HECW2: variants seen among roughly 807,000 people sequenced by gnomAD.
The protein encoded by HECW2 is HECT, C2 and WW domain containing E3 ubiquitin protein ligase 2.
In HECW2, 61 loss-of-function variants were observed where a neutral mutation model predicts 175.2. The ratio of observed to expected loss-of-function variants is 0.35; its 90% CI spans 0.28 to 0.43. The LOEUF (loss-of-function observed/expected upper bound fraction) is 0.43. HECW2 is among the 20% of genes least tolerant of loss of function. The pLI, the probability that HECW2 is intolerant of heterozygous loss-of-function variation, is 1.00. For missense variants in HECW2, 1,524 were observed against 2,000.5 expected, an observed-to-expected ratio of 0.76 and a Z score of 4.54; for synonymous variants, 671 against 731.0, an observed-to-expected ratio of 0.92 and a Z score of 1.32.
intron 17 of HECW2, among the ~76,000 whole-genome samples, chr2:196,265,304 G>A (rs1392579617): frequency 2.6e-5 from 4 of 152,190 alleles, no homozygotes; most frequent in Admixed American, 2.6e-4. Flanking sequence ...GGCCAACATG[G>A]TGAAACCCCA....
chr2:196,472,877 T>G (rs1353489226), intron 1 of HECW2, among the ~76,000 whole-genome samples: 1 of 152,212 alleles, frequency 6.6e-6, no homozygotes, highest in Non-Finnish European at 1.5e-5. Context: ...CGCCTTGGCC[T>G]CCCAAAGTGC....
intron 2 of HECW2, among the ~76,000 whole-genome samples, chr2:196,407,375 T>C (rs996587303): frequency 3.9e-5 from 6 of 151,918 alleles, no homozygotes; most frequent in East Asian, 1.9e-4. Context: ...ACTTCCACCA[T>C]GGAAGGGTGA....
At chr2:196,274,180 G>T (rs1030050102) in intron 15 of HECW2, 57 bp from the exon 16 acceptor site, 6 of 1,303,112 alleles carry the variant, frequency 4.6e-6, no homozygotes, top group Non-Finnish European at 6.6e-6. Context: ...CTCTATATCA[G>T]CATCCCAAAC....
intron 28 of HECW2, among the ~76,000 whole-genome samples, chr2:196,204,503 T>C (rs1192430926): frequency 2.0e-5 from 3 of 152,204 alleles, no homozygotes; most frequent in Non-Finnish European, 4.4e-5. Flanking sequence ...GAATGAATGC[T>C]GCCAACAACC....
chr2:196,433,572 C>T, intron 1 of HECW2, 114 bp from the exon 2 acceptor site: 1 of 733,578 alleles, frequency 1.4e-6, no homozygotes, highest in Non-Finnish European at 2.2e-6. Context: ...ATGCAATAAT[C>T]TTCTGTTGTC....
intron 1 of HECW2, among the ~76,000 whole-genome samples, chr2:196,540,930 A>G (rs933436123): frequency 2.0e-5 from 3 of 152,208 alleles, no homozygotes; most frequent in African/African-American, 2.4e-5. Context: ...GAAAGAAAAA[A>G]CAAAGCAAAC....
intron 2 of HECW2, among the ~76,000 whole-genome samples, chr2:196,393,178 T>C (rs530120034): frequency 1.4e-4 from 22 of 152,298 alleles, no homozygotes; most frequent in African/African-American, 5.3e-4. Context: ...ACATTAGACC[T>C]AAAGCCATAA....
intron 2 of HECW2, among the ~76,000 whole-genome samples, chr2:196,419,056 G>A (rs1175936319): frequency 6.6e-6 from 1 of 152,224 alleles, no homozygotes; most frequent in Admixed American, 6.5e-5. Flanking sequence ...CACAGATAAT[G>A]CAGCACAGAG....
intron 1 of HECW2, among the ~76,000 whole-genome samples, chr2:196,486,595 TC>T (rs1160828858): frequency 6.6e-6 from 1 of 152,026 alleles, no homozygotes; most frequent in Non-Finnish European, 1.5e-5. Context: ...GTGGCAGCCC[TC>T]CCCTGGAAGA....
At chr2:196,220,980 A>G in intron 24 of HECW2, 39 bp from the exon 25 acceptor site, 1 of 1,602,942 alleles carries the variant, frequency 6.2e-7, no homozygotes, top group Non-Finnish European at 8.5e-7. Flanking sequence ...ACAAAGCAAT[A>G]CTCTTAATGT....
chr2:196,461,012 TTAA>T (rs1234438825), intron 1 of HECW2, among the ~76,000 whole-genome samples: 4 of 152,106 alleles, frequency 2.6e-5, no homozygotes, highest in Non-Finnish European at 5.9e-5. Flanking sequence ...AATGCCTGAA[TTAA>T]TGATGATGTT....
rs1332592342 is a variant in HECW2, at chr2:196,217,023, T to C, written c.4479A>G (p.Arg1493=). The stretch of plus-strand genomic sequence containing the variant: ...GGCATCTCACCTGTAACAACCTTAG[T>C]CGTTGTTCATTGTTGAATCTTTCCA... ...AAVERFNNEQ[R]LRLLQFVTGT... is the part of the protein sequence containing the mutation. Residue 1493 remains arginine, a synonymous_variant, in exon 27 of 29, where the codon CGA becomes CGG. Transcript: ENST00000644978. 2 of 1,530,386 alleles carry C rather than the reference T, an allele frequency of 1.3e-6. No homozygotes were observed. Among genetic ancestry groups the C allele is most frequent in the Non-Finnish European group, 1.7e-6 (2 of 1,146,108 alleles). 94.8% of individuals were successfully genotyped at this position (1,530,386 alleles called of 1,614,324 possible). A position where few individuals can be genotyped will look rare whatever the true frequency, so the allele number is the denominator to read the frequency against.
chr2:196,401,296 A>G (rs1694810833), intron 2 of HECW2, among the ~76,000 whole-genome samples: 1 of 152,216 alleles, frequency 6.6e-6, no homozygotes. Context: ...ATAAACAATG[A>G]ATATTGAGAT....
At chr2:196,528,196 T>G (rs1294720751) in intron 1 of HECW2, among the ~76,000 whole-genome samples, 1 of 152,192 alleles carries the variant, frequency 6.6e-6, no homozygotes, top group African/African-American at 2.4e-5. Context: ...TCAATAAACA[T>G]GACCTATACT....
chr2:196,505,350 C>A (rs913376660), intron 1 of HECW2, among the ~76,000 whole-genome samples: 6 of 152,004 alleles, frequency 3.9e-5, no homozygotes, highest in African/African-American at 1.5e-4. Flanking sequence ...ACCATCCTGG[C>A]CAACATGGTG....
chr2:196,342,133 A>G (rs924617616), intron 3 of HECW2, among the ~76,000 whole-genome samples: 6 of 152,136 alleles, frequency 3.9e-5, no homozygotes, highest in African/African-American at 4.8e-5. Flanking sequence ...GGCCAGGCAC[A>G]GGGGCTCATG....
At chr2:196,560,361 G>A (rs926942140) in intron 1 of HECW2, among the ~76,000 whole-genome samples, 1 of 152,044 alleles carries the variant, frequency 6.6e-6, no homozygotes, top group Non-Finnish European at 1.5e-5. Flanking sequence ...AGCCAGGCTG[G>A]TCTCAAACTC....
intron 1 of HECW2, among the ~76,000 whole-genome samples, chr2:196,560,374 G>C (rs1374133666): frequency 6.6e-6 from 1 of 152,068 alleles, no homozygotes; most frequent in Non-Finnish European, 1.5e-5. Flanking sequence ...TCAAACTCCT[G>C]ACCTCAGGTG....
At chr2:196,293,419 T>C (rs1012701699) in intron 13 of HECW2, among the ~76,000 whole-genome samples, 1 of 152,252 alleles carries the variant, frequency 6.6e-6, no homozygotes, top group Non-Finnish European at 1.5e-5. Flanking sequence ...ATATTTGGGT[T>C]GATTCCATGT....
Sources: allele counts gnomAD v4.1 joint callset (sites outside exome capture counted in the v4.1 genomes callset), GRCh38; gene constraint gnomAD v4.1.1; transcripts MANE v1.5; gene names NCBI Gene and HGNC (gene_info 2026-07-23, HGNC 2026-07-21).